The following HOOK3 variants were observed in gnomAD, a reference collection of about 807,000 sequenced individuals.
HOOK3 encodes the protein hook microtubule tethering protein 3.
In HOOK3, 24 loss-of-function variants were observed where a neutral mutation model predicts 116.3. The ratio of observed to expected loss-of-function variants is 0.21; its 90% CI spans 0.15 to 0.29. The LOEUF (loss-of-function observed/expected upper bound fraction) is 0.29, where lower values mean the gene tolerates loss of function less well. Among genes scored for constraint, HOOK3 ranks in the 10% least tolerant of loss-of-function variants. HOOK3 has a pLI of 1.00. For missense variants in HOOK3, 632 were observed against 830.2 expected, an observed-to-expected ratio of 0.76 and a Z score of 2.93; for synonymous variants, 275 against 283.0, an observed-to-expected ratio of 0.97 and a Z score of 0.28.
At chr8:42,939,247 G>A (rs1468814190) in intron 4 of HOOK3, among the ~76,000 whole-genome samples, 6 of 152,226 alleles carry the variant, frequency 3.9e-5, no homozygotes, top group Non-Finnish European at 8.8e-5. Flanking sequence ...CCTCCCAGAC[G>A]GGGTGGTGGC....
At chr8:42,906,384 C>G in intron 2 of HOOK3, 126 bp downstream of exon 2, 1 of 679,564 alleles carries the variant, frequency 1.5e-6, no homozygotes. Context: ...GGCAGCAGCA[C>G]TAGTTTTAAT....
At position 42,936,756 on chromosome 8, in the gene HOOK3, G is replaced by T. The variant is rs146850004; in HGVS notation, c.268-6557G>T. The stretch of plus-strand genomic sequence containing the variant: ...GGATGAAGCCAACTTGATGGTGGTG[G>T]ATAAGCTTTTTGATGTGCTGCTGGA... On this transcript the variant is annotated intron_variant, in intron 4 of 21. Coordinates refer to ENST00000307602, the MANE Select transcript of HOOK3 (RefSeq NM_032410.4). Among the ~76,000 whole-genome samples, 371 of 152,286 alleles carry T rather than the reference G, an allele frequency of 2.4e-3. 1 individual carries two copies. Among genetic ancestry groups the T allele is most frequent in the Non-Finnish European group, 4.4e-3 (297 of 68,010 alleles).
intron 3 of HOOK3, among the ~76,000 whole-genome samples, chr8:42,926,579 C>T (rs1807769889): frequency 6.6e-6 from 1 of 152,146 alleles, no homozygotes; most frequent in Non-Finnish European, 1.5e-5. Context: ...AGCCATCAAG[C>T]CCGGCCTATA....
intron 6 of HOOK3, among the ~76,000 whole-genome samples, chr8:42,956,624 G>T (rs1008175103): frequency 6.6e-6 from 1 of 151,666 alleles, no homozygotes; most frequent in Non-Finnish European, 1.5e-5. Context: ...TCGCCCTGTC[G>T]CCCAGACTAG....
chr8:42,901,083 C>T (rs1473456748), intron 1 of HOOK3, among the ~76,000 whole-genome samples: 3 of 152,234 alleles, frequency 2.0e-5, no homozygotes, highest in African/African-American at 7.2e-5. Context: ...ATTGCCTCAA[C>T]CAGCTAGATG....
chr8:42,943,475 TA>T, intron 5 of HOOK3, 30 bp downstream of exon 5: 1 of 1,380,256 alleles, frequency 7.2e-7, no homozygotes, highest in Non-Finnish European at 9.5e-7. Context: ...TGTTTGCATT[TA>T]AAATAATGAA....
intron 13 of HOOK3, among the ~76,000 whole-genome samples, chr8:42,975,509 C>T (rs1800049216): frequency 6.6e-6 from 1 of 152,144 alleles, no homozygotes; most frequent in Admixed American, 6.5e-5. Flanking sequence ...CGTAAAGGAT[C>T]TTCCTTGTGG....
chr8:42,952,292 G>T (rs1039776888), intron 6 of HOOK3, among the ~76,000 whole-genome samples: 1 of 152,212 alleles, frequency 6.6e-6, no homozygotes, highest in Non-Finnish European at 1.5e-5. Flanking sequence ...TGCGTTTCTG[G>T]ATTGTTAAGT....
At chr8:42,939,840 G>A (rs544692750) in intron 4 of HOOK3, among the ~76,000 whole-genome samples, 18 of 140,086 alleles carry the variant, frequency 1.3e-4, no homozygotes, top group Non-Finnish European at 2.2e-4. Context: ...CTCACATCCC[G>A]GACGGGGCGG....
At chr8:42,997,096 T>A (rs986912015) in intron 15 of HOOK3, among the ~76,000 whole-genome samples, 2 of 152,042 alleles carry the variant, frequency 1.3e-5, no homozygotes, top group Admixed American at 1.3e-4. Context: ...TTGGTAGAGA[T>A]GGAGTTTCAC....
chr8:42,976,292 G>C (rs972252949), intron 13 of HOOK3, among the ~76,000 whole-genome samples: 2 of 151,846 alleles, frequency 1.3e-5, no homozygotes, highest in African/African-American at 4.8e-5. Context: ...GAGGGCTTGA[G>C]TTCACAAGTT....
chr8:42,923,290 C>A (rs927224300), intron 2 of HOOK3, among the ~76,000 whole-genome samples: 1 of 152,162 alleles, frequency 6.6e-6, no homozygotes, highest in African/African-American at 2.4e-5. Flanking sequence ...TTTGGCCTTG[C>A]CTCACATGAC....
chr8:42,944,981 ATAT>A (rs1333017936), intron 5 of HOOK3, among the ~76,000 whole-genome samples: 2 of 152,156 alleles, frequency 1.3e-5, no homozygotes, highest in African/African-American at 2.4e-5. Context: ...ATGACCCAAT[ATAT>A]TATATCATTA....
Position 43,019,488 on chromosome 8 carries a change from A to T in HOOK3, c.*990A>T, listed in dbSNP as rs1270555810. The T allele has an allele frequency of 4.8e-6, 1 of 206,370 alleles. No individual in the cohort carries two copies. Among genetic ancestry groups the T allele is most frequent in the Non-Finnish European group, 9.9e-6 (1 of 101,318 alleles). 12.8% of individuals were successfully genotyped at this position (206,370 alleles called of 1,614,324 possible). On this transcript the variant is annotated 3_prime_UTR_variant, in exon 22 of 22. Coordinates refer to ENST00000307602, the MANE Select transcript of HOOK3 (RefSeq NM_032410.4). ...TTTTTAACAATTCCTAACACTTGAT[A>T]TCTTAATATCAGTCACTAACATTAG...
At position 42,947,854 on chromosome 8, in the gene HOOK3, G is replaced by GTGTGTA. The variant is rs1302903037; in HGVS notation, c.401-2529_401-2528insATGTGT. On this transcript the variant is annotated intron_variant, in intron 5 of 21. Coordinates refer to ENST00000307602, the MANE Select transcript of HOOK3 (RefSeq NM_032410.4). ...GAGGAGTGAATGAAATTGTGTGTGT[G>GTGTGTA]TGTGTGTATGTGTGTGCTTTGTACT... 8.5e-5 allele frequency among the ~76,000 whole-genome samples: 13 copies of GTGTGTA among 152,266 alleles called. No homozygotes were observed. In the East Asian group the frequency reaches 2.3e-3, roughly 27 times the overall value.
chr8:42,899,087 G>A (rs1053763048), intron 1 of HOOK3, among the ~76,000 whole-genome samples: 1 of 152,138 alleles, frequency 6.6e-6, no homozygotes, highest in Non-Finnish European at 1.5e-5. Flanking sequence ...TCCTAAGTTG[G>A]GGACCGTCTG....
At chr8:42,935,114 G>A (rs545125230) in intron 4 of HOOK3, among the ~76,000 whole-genome samples, 2 of 152,052 alleles carry the variant, frequency 1.3e-5, no homozygotes, top group Non-Finnish European at 2.9e-5. Context: ...TCTCATTGTG[G>A]TTTTGATTTG....
At chr8:42,968,268 C>T in intron 11 of HOOK3, 54 bp downstream of exon 11, 5 of 1,245,230 alleles carry the variant, frequency 4.0e-6, no homozygotes, top group South Asian at 3.9e-5. Context: ...TCAGTTATGA[C>T]ATGTAGCTTA....
At chr8:42,931,312 A>G (rs1807867819) in intron 4 of HOOK3, among the ~76,000 whole-genome samples, 1 of 150,736 alleles carries the variant, frequency 6.6e-6, no homozygotes, top group Non-Finnish European at 1.5e-5. Flanking sequence ...CAGCCCCATT[A>G]TTCAGTCACA....
Sources: allele counts gnomAD v4.1 joint callset (sites outside exome capture counted in the v4.1 genomes callset), GRCh38; gene constraint gnomAD v4.1.1; transcripts MANE v1.5; gene names NCBI Gene and HGNC (gene_info 2026-07-23, HGNC 2026-07-21).